The following CNTNAP2 variants were observed in gnomAD, a reference collection of about 807,000 sequenced individuals.
CNTNAP2 encodes the protein contactin associated protein 2, also known as contactin-associated protein-like 2.
In CNTNAP2, 98 loss-of-function variants were observed where a neutral mutation model predicts 155.2. The observed-to-expected ratio is 0.63, with a 90% CI of 0.54 to 0.75. CNTNAP2 has a LOEUF of 0.75. Ranked by LOEUF, CNTNAP2 falls within the 30% of genes least tolerant of loss-of-function variation. The probability of loss-of-function intolerance (pLI) is 0.00; values close to 1 mark genes in which losing one functional copy is unlikely to be tolerated. For synonymous variants in CNTNAP2, 651 were observed against 631.2 expected (o/e 1.03, Z -0.47); for missense variants, 1,727 against 1,688.1 (o/e 1.02, Z -0.40).
intron 1 of CNTNAP2, among the ~76,000 whole-genome samples, chr7:146,723,348 A>T (rs1801372325): frequency 1.3e-5 from 2 of 152,084 alleles, no homozygotes; most frequent in Non-Finnish European, 2.9e-5. Flanking sequence ...TAGATTTTAG[A>T]CTTCTAAACT....
chr7:148,110,362 A>C (rs1804320792), intron 15 of CNTNAP2, among the ~76,000 whole-genome samples: 1 of 151,960 alleles, frequency 6.6e-6, no homozygotes, highest in Admixed American at 6.6e-5. Flanking sequence ...CTGCACACGG[A>C]AACAGTGCAG....
At chr7:147,268,882 G>A (rs1047686841) in intron 8 of CNTNAP2, among the ~76,000 whole-genome samples, 1 of 152,154 alleles carries the variant, frequency 6.6e-6, no homozygotes, top group Admixed American at 6.5e-5. Context: ...GTAGCTGAAA[G>A]CTTTATACAA....
At chr7:147,959,698 G>A (rs1234984458) in intron 14 of CNTNAP2, among the ~76,000 whole-genome samples, 3 of 152,106 alleles carry the variant, frequency 2.0e-5, no homozygotes, top group African/African-American at 7.2e-5. Flanking sequence ...ATTGCCATGG[G>A]AAGGGGTGGT....
rs1252927249 is a variant in CNTNAP2 at position 147,404,405 on chromosome 7, G to A, written c.1670+8625G>A. On this transcript the variant is annotated intron_variant, in intron 10 of 23. Coordinates refer to ENST00000361727, the MANE Select transcript of CNTNAP2 (RefSeq NM_014141.6). ...CCCCAACTTAAACATATAGAAAAAC[G>A]TCAGTTTTCTCATGGGGTCATCCTA... Among the ~76,000 whole-genome samples, 4 of 152,280 alleles carry A rather than the reference G, an allele frequency of 2.6e-5. No individual in the cohort carries two copies. The East Asian group carries it at 7.7e-4, about 29-fold the overall frequency.
At chr7:147,364,663 C>G (rs940024917) in intron 9 of CNTNAP2, among the ~76,000 whole-genome samples, 1 of 152,158 alleles carries the variant, frequency 6.6e-6, no homozygotes, top group African/African-American at 2.4e-5. Context: ...TCCTGGCTAA[C>G]ACGGTGAAAC....
intron 13 of CNTNAP2, among the ~76,000 whole-genome samples, chr7:147,686,857 A>T (rs760187842): frequency 8.0e-5 from 10 of 124,912 alleles, no homozygotes; most frequent in Non-Finnish European, 1.3e-4. Flanking sequence ...GGGATAGTGT[A>T]AAAAAAAAAA....
chr7:147,125,772 C>G (rs1039879937), intron 6 of CNTNAP2, among the ~76,000 whole-genome samples: 1 of 152,092 alleles, frequency 6.6e-6, no homozygotes, highest in Non-Finnish European at 1.5e-5. Context: ...AATCTAATCG[C>G]ATTCTTTCCA....
chr7:146,541,540 G>A (rs1012079927), intron 1 of CNTNAP2, among the ~76,000 whole-genome samples: 1 of 151,994 alleles, frequency 6.6e-6, no homozygotes, highest in African/African-American at 2.4e-5. Context: ...TGCCTCTGTA[G>A]AAATATTCTT....
intron 4 of CNTNAP2, among the ~76,000 whole-genome samples, chr7:147,048,813 T>C (rs1333094989): frequency 1.3e-5 from 2 of 152,208 alleles, no homozygotes; most frequent in East Asian, 3.8e-4. Flanking sequence ...TCATGTCTTT[T>C]TATAACATAA....
intron 13 of CNTNAP2, among the ~76,000 whole-genome samples, chr7:147,732,187 C>CCCCCCCCCCCCCCCT (rs1796752898): frequency 2.2e-5 from 3 of 137,334 alleles, no homozygotes; most frequent in African/African-American, 5.5e-5. Context: ...TCCCTCCCCC[C>CCCCCCCCCCCCCCCT]CCCACCACCC....
chr7:148,204,437 A>G (rs1795414326), intron 18 of CNTNAP2, among the ~76,000 whole-genome samples: 1 of 150,664 alleles, frequency 6.6e-6, no homozygotes, highest in African/African-American at 2.4e-5. Flanking sequence ...ATAATCAGCA[A>G]ATGGGAATGA....
chr7:146,600,549 A>G (rs1367181476), intron 1 of CNTNAP2, among the ~76,000 whole-genome samples: 1 of 152,064 alleles, frequency 6.6e-6, no homozygotes, highest in Non-Finnish European at 1.5e-5. Context: ...TGGTCCTAAA[A>G]TATCTGTTTG....
intron 13 of CNTNAP2, among the ~76,000 whole-genome samples, chr7:147,796,781 G>C (rs748729732): frequency 3.3e-5 from 5 of 152,254 alleles, no homozygotes; most frequent in South Asian, 2.1e-4. Flanking sequence ...GAGACAATTA[G>C]TCTGTAAAAG....
At chr7:146,346,873 G>T (rs1291113913) in intron 1 of CNTNAP2, among the ~76,000 whole-genome samples, 2 of 152,168 alleles carry the variant, frequency 1.3e-5, no homozygotes, top group Non-Finnish European at 2.9e-5. Context: ...GACCGATAGT[G>T]CATGACCATT....
At chr7:146,298,194 T>A (rs1040343629) in intron 1 of CNTNAP2, among the ~76,000 whole-genome samples, 3 of 152,110 alleles carry the variant, frequency 2.0e-5, no homozygotes, top group Admixed American at 2.0e-4. Flanking sequence ...TATTTGCAAG[T>A]TGAATGTGGT....
intron 8 of CNTNAP2, among the ~76,000 whole-genome samples, chr7:147,237,492 G>C (rs953938100): frequency 6.6e-6 from 1 of 152,104 alleles, no homozygotes; most frequent in Non-Finnish European, 1.5e-5. Flanking sequence ...TCAAGTGCTG[G>C]CTCCACTTTG....
intron 15 of CNTNAP2, among the ~76,000 whole-genome samples, chr7:148,037,646 A>C (rs947365331): frequency 1.5e-5 from 2 of 136,504 alleles, no homozygotes; most frequent in Non-Finnish European, 1.6e-5. Flanking sequence ...GAAAATATAC[A>C]GTATTTTGAA....
At chr7:147,545,760 A>G (rs550145148) in intron 11 of CNTNAP2, among the ~76,000 whole-genome samples, 3 of 152,172 alleles carry the variant, frequency 2.0e-5, no homozygotes, top group Non-Finnish European at 4.4e-5. Flanking sequence ...CTAAGGTTGC[A>G]TCACTGATAT....
Position 148,239,326 on chromosome 7 carries a change from G to A in CNTNAP2, c.3381+9547G>A, listed in dbSNP as rs1192824667. Among the ~76,000 whole-genome samples, 3 of 152,174 alleles carry A rather than the reference G, an allele frequency of 2.0e-5. No individual in the cohort carries two copies. In the East Asian group the frequency reaches 5.8e-4, roughly 29 times the overall value. On this transcript the variant is annotated intron_variant, in intron 20 of 23. Coordinates refer to ENST00000361727, the MANE Select transcript of CNTNAP2 (RefSeq NM_014141.6). The stretch of plus-strand genomic sequence containing the variant: ...ACTGACATGTATAATTCTATGGAGA[G>A]CATAGGCCAATATTTTATTAGTTTC...
Sources: allele counts gnomAD v4.1 joint callset (sites outside exome capture counted in the v4.1 genomes callset), GRCh38; gene constraint gnomAD v4.1.1; transcripts MANE v1.5; gene names NCBI Gene and HGNC (gene_info 2026-07-23, HGNC 2026-07-21).